CUX1: variants seen among roughly 807,000 people sequenced by gnomAD.
The protein encoded by CUX1 is protein CASP.
In CUX1, 31 loss-of-function variants were observed where a neutral mutation model predicts 158.8. That is an observed-to-expected ratio of 0.20 (90% CI 0.15 to 0.26). The LOEUF (loss-of-function observed/expected upper bound fraction) is 0.26. CUX1 is among the 10% of genes least tolerant of loss of function. CUX1 has a pLI of 1.00. For synonymous variants in CUX1, 879 were observed against 862.1 expected (o/e 1.02, Z -0.34); for missense variants, 1,589 against 2,014.6 (o/e 0.79, Z 4.04).
At chr7:102,029,574 G>T (rs1820466673) in intron 3 of CUX1, among the ~76,000 whole-genome samples, 1 of 152,114 alleles carries the variant, frequency 6.6e-6, no homozygotes, top group South Asian at 2.1e-4. Flanking sequence ...AGACAGAGAG[G>T]CGATTTCAGG....
chr7:102,017,536 G>A (rs1818770410), intron 2 of CUX1, among the ~76,000 whole-genome samples: 2 of 152,128 alleles, frequency 1.3e-5, no homozygotes, highest in East Asian at 1.9e-4. Flanking sequence ...TGCTCAAATG[G>A]TTTTTGAATA....
chr7:102,125,880 G>A (rs1434578986), intron 8 of CUX1: 1 of 151,862 alleles, frequency 6.6e-6, no homozygotes, highest in East Asian at 1.9e-4. Flanking sequence ...CCAGGCTGGA[G>A]TGCGGTGATA....
At chr7:101,848,445 G>A (rs937667437) in intron 1 of CUX1, among the ~76,000 whole-genome samples, 23 of 152,058 alleles carry the variant, frequency 1.5e-4, no homozygotes, top group African/African-American at 4.8e-5. Flanking sequence ...ACTTCCTACC[G>A]CGAGGAGAAA....
At chr7:102,157,265 G>A (rs1789874648) in intron 8 of CUX1, among the ~76,000 whole-genome samples, 1 of 152,018 alleles carries the variant, frequency 6.6e-6, no homozygotes, top group East Asian at 1.9e-4. Flanking sequence ...CAGCATGAGA[G>A]CCCTCAACCC....
chr7:101,974,697 T>C (rs1812422981), intron 2 of CUX1, among the ~76,000 whole-genome samples: 1 of 152,172 alleles, frequency 6.6e-6, no homozygotes, highest in African/African-American at 2.4e-5. Flanking sequence ...TGATATCAGC[T>C]GAGGAAGGGG....
At chr7:102,002,596 C>A (rs1171370879) in intron 2 of CUX1, among the ~76,000 whole-genome samples, 4 of 152,210 alleles carry the variant, frequency 2.6e-5, no homozygotes, top group Admixed American at 2.6e-4. Context: ...ACAAGGGGGC[C>A]TTGCTGTTGG....
At chr7:101,917,800 C>A (rs1216700310) in intron 2 of CUX1, among the ~76,000 whole-genome samples, 3 of 152,066 alleles carry the variant, frequency 2.0e-5, no homozygotes, top group African/African-American at 7.2e-5. Flanking sequence ...TTGTCACTGC[C>A]CTTTCCTCGG....
At chr7:101,949,996 T>C (rs1340678836) in intron 2 of CUX1, among the ~76,000 whole-genome samples, 1 of 152,066 alleles carries the variant, frequency 6.6e-6, no homozygotes, top group African/African-American at 2.4e-5. Context: ...CCCCACAGGA[T>C]CCGACAGTTC....
chr7:101,944,842 C>T (rs886116916), intron 2 of CUX1, among the ~76,000 whole-genome samples: 1 of 152,224 alleles, frequency 6.6e-6, no homozygotes, highest in Non-Finnish European at 1.5e-5. Flanking sequence ...TCTGTCGCCA[C>T]ACTGGTGCAG....
rs563333232 is a variant in CUX1 at position 102,251,611 on chromosome 7, G to A, written c.*2569G>A. The A allele has an allele frequency of 3.0e-5, 30 of 985,394 alleles. No homozygotes were observed. In the South Asian group the frequency reaches 3.3e-4, roughly 11 times the overall value. 61.0% of individuals were successfully genotyped at this position (985,394 alleles called of 1,614,324 possible). A position where few individuals can be genotyped will look rare whatever the true frequency, so the allele number is the denominator to read the frequency against. Reference sequence around the variant, plus strand: ...AAATTAGAGGAGCTTAAGGGGACACGGGTCAACATCTAGCTCGATTCAGGT... The same window carrying A: ...AAATTAGAGGAGCTTAAGGGGACACAGGTCAACATCTAGCTCGATTCAGGT... On this transcript the variant is annotated 3_prime_UTR_variant, in exon 24 of 24. Coordinates refer to ENST00000292535, the MANE Select transcript of CUX1 (RefSeq NM_181552.4).
At chr7:102,073,710 T>C (rs1224577111) in intron 4 of CUX1, among the ~76,000 whole-genome samples, 1 of 152,240 alleles carries the variant, frequency 6.6e-6, no homozygotes, top group Admixed American at 6.5e-5. Flanking sequence ...TATAGAATTT[T>C]GATCATAGCA....
chr7:102,242,758 C>G (rs1055970887), intron 23 of CUX1, among the ~76,000 whole-genome samples: 2 of 152,174 alleles, frequency 1.3e-5, no homozygotes, highest in Non-Finnish European at 2.9e-5. Flanking sequence ...GTCACTGCCC[C>G]CTGGCCAGGG....
intron 1 of CUX1, among the ~76,000 whole-genome samples, chr7:101,835,359 C>G (rs1217901393): frequency 1.3e-5 from 2 of 152,150 alleles, no homozygotes; most frequent in African/African-American, 4.8e-5. Flanking sequence ...ATAATATTCC[C>G]TGGTATGGGC....
chr7:101,835,168 A>C (rs1794487248), intron 1 of CUX1, among the ~76,000 whole-genome samples: 2 of 151,364 alleles, frequency 1.3e-5, no homozygotes, highest in Non-Finnish European at 2.9e-5. Context: ...TCCCTCCTGT[A>C]CCCCCGGCAC....
intron 6 of CUX1, among the ~76,000 whole-genome samples, chr7:102,111,352 G>GA (rs1830859270): frequency 6.6e-6 from 1 of 151,954 alleles, no homozygotes; most frequent in Admixed American, 6.6e-5. Context: ...CATTCTTCTT[G>GA]CGCTAACTTC....
intron 20 of CUX1, among the ~76,000 whole-genome samples, chr7:102,215,107 T>C (rs1796919485): frequency 6.6e-6 from 1 of 152,160 alleles, no homozygotes; most frequent in South Asian, 2.1e-4. Flanking sequence ...CATCAGGCCT[T>C]CTCATTCCAG....
chr7:102,182,714 C>T (rs782798969), intron 11 of CUX1, among the ~76,000 whole-genome samples: 2 of 152,198 alleles, frequency 1.3e-5, no homozygotes, highest in Non-Finnish European at 2.9e-5. Flanking sequence ...ACCGCCGTGA[C>T]AAGGCTGCTT....
chr7:102,071,458 C>G (rs1446536026), intron 4 of CUX1, among the ~76,000 whole-genome samples: 3 of 152,026 alleles, frequency 2.0e-5, no homozygotes, highest in African/African-American at 7.2e-5. Context: ...TATGTGGGGC[C>G]CAGCTCAGCC....
intron 12 of CUX1, among the ~76,000 whole-genome samples, chr7:102,191,302 C>T (rs1794247247): frequency 1.3e-5 from 2 of 152,192 alleles, no homozygotes; most frequent in Non-Finnish European, 1.5e-5. Context: ...GGTGCTATCT[C>T]GGCTCACCGC....
Sources: gnomAD v4.1 joint callset for allele counts (sites outside exome capture counted in the v4.1 genomes callset) on GRCh38, gnomAD v4.1.1 for gene constraint, MANE v1.5 for transcripts, NCBI Gene and HGNC (gene_info 2026-07-23, HGNC 2026-07-21) for gene names.